VPS13B: variants seen among roughly 807,000 people sequenced by gnomAD.
VPS13B encodes vacuolar protein sorting 13 homolog B.
VPS13B carries 285 observed loss-of-function variants against 426.4 expected under a neutral mutation model. The observed-to-expected ratio is 0.67, with a 90% CI of 0.61 to 0.74. The LOEUF (loss-of-function observed/expected upper bound fraction) is 0.74, where lower values mean the gene tolerates loss of function less well. Ranked by LOEUF, VPS13B falls within the 30% of genes least tolerant of loss-of-function variation. The pLI, the probability that VPS13B is intolerant of heterozygous loss-of-function variation, is 0.00. For synonymous variants in VPS13B, 1,676 were observed against 1,676.4 expected, an observed-to-expected ratio of 1.00 and a Z score of 0.01; for missense variants, 4,537 against 4,782.6, an observed-to-expected ratio of 0.95 and a Z score of 1.51.
intron 19 of VPS13B, among the ~76,000 whole-genome samples, chr8:99,364,792 C>G (rs985293596): frequency 6.6e-6 from 1 of 151,934 alleles, no homozygotes; most frequent in Non-Finnish European, 1.5e-5. Flanking sequence ...ATACTTGCCT[C>G]GTAGAATGAG....
chr8:99,558,876 G>A (rs1824736537), intron 31 of VPS13B, among the ~76,000 whole-genome samples: 1 of 152,200 alleles, frequency 6.6e-6, no homozygotes, highest in Admixed American at 6.5e-5. Context: ...ACATACGTGT[G>A]CATGTGTCTT....
intron 58 of VPS13B, among the ~76,000 whole-genome samples, chr8:99,863,988 C>G (rs1249805342): frequency 2.0e-5 from 3 of 152,212 alleles, no homozygotes; most frequent in Non-Finnish European, 4.4e-5. Context: ...GTGGGCATCT[C>G]AAGCTTGGCT....
chr8:99,448,697 T>G (rs1818045862), intron 23 of VPS13B, among the ~76,000 whole-genome samples: 1 of 152,198 alleles, frequency 6.6e-6, no homozygotes, highest in Non-Finnish European at 1.5e-5. Context: ...GACTGCTCTT[T>G]TATAGCTTCC....
rs1811257479 is a variant in VPS13B, at chr8:99,766,955, G to C, written c.7232G>C (p.Gly2411Ala). The C allele has an allele frequency of 1.2e-6, 2 of 1,613,714 alleles. No homozygotes were observed. Among genetic ancestry groups the C allele is most frequent in the South Asian group, 1.1e-5 (1 of 91,064 alleles). The part of the protein sequence containing the change: ...WRIVLNSSQN[G>A]ADDQSSASES... ...ATTGTCTTGAACAGCAGTCAAAATG[G>C]AGCTGATGACCAAAGGTAATTCATT... is the stretch of plus-strand genomic sequence containing the variant. Residue 2411 changes from glycine (G) to alanine (A), a missense_variant, in exon 40 of 62, where the codon GGA (glycine) becomes GCA (alanine). Physicochemically the swap from Gly to Ala is moderately conservative, Grantham distance 60 (BLOSUM62 0). Around this residue, in one of 2 missense-constraint regions of VPS13B, gnomAD observed 4,311 missense variants for 4,474.3 expected, o/e 0.96. Coordinates refer to ENST00000357162, the MANE Select transcript of VPS13B (RefSeq NM_152564.5).
chr8:99,781,850 G>C (rs1188970718), intron 42 of VPS13B, among the ~76,000 whole-genome samples: 1 of 152,018 alleles, frequency 6.6e-6, no homozygotes, highest in Non-Finnish European at 1.5e-5. Context: ...GTGGGAGATT[G>C]GAATCATATC....
Position 99,115,715 on chromosome 8 carries a change from G to A in VPS13B, c.778G>A (p.Glu260Lys), listed in dbSNP as rs1256664122. 4 of 1,612,612 alleles carry A rather than the reference G, an allele frequency of 2.5e-6. No individual in the cohort carries two copies. The East Asian group carries it at 8.9e-5, about 36-fold the overall frequency. The change falls in exon 7 of 62, where the codon GAA becomes AAA. Residue 260 changes from glutamate (E) to lysine (K), a missense_variant. Physicochemically the swap from Glu to Lys is moderately conservative, Grantham distance 56. Coordinates refer to ENST00000357162, the MANE Select transcript of VPS13B (RefSeq NM_152564.5). Reference protein sequence around the residue: ...PSVIKIHTLVESLKLSITDQQ... With the variant: ...PSVIKIHTLVKSLKLSITDQQ... ...CAAAATGCAGATTCATACTTTAGTG[G>A]AAAGTTTGAAACTTTCTATCACAGA...
chr8:99,030,450 ATGAG>A (rs1480061760), intron 2 of VPS13B, among the ~76,000 whole-genome samples: 3 of 115,158 alleles, frequency 2.6e-5, no homozygotes, highest in South Asian at 3.5e-4. Context: ...TTGTCCCAGT[ATGAG>A]TGAGTGAGTG....
intron 15 of VPS13B, among the ~76,000 whole-genome samples, chr8:99,158,012 T>G (rs187751238): frequency 3.5e-4 from 53 of 152,178 alleles, no homozygotes; most frequent in African/African-American, 1.3e-3. Flanking sequence ...CTGGCAGAGG[T>G]TGGTTCATGA....
intron 35 of VPS13B, among the ~76,000 whole-genome samples, chr8:99,681,065 A>G (rs1176058229): frequency 6.6e-6 from 1 of 152,216 alleles, no homozygotes; most frequent in East Asian, 1.9e-4. Context: ...TCTTCCTGTC[A>G]TTATCAGACT....
chr8:99,372,555 A>G (rs996410419), intron 19 of VPS13B, among the ~76,000 whole-genome samples: 1 of 152,226 alleles, frequency 6.6e-6, no homozygotes, highest in Admixed American at 6.5e-5. Flanking sequence ...CAACAAACAT[A>G]TGAAAAAAAG....
Position 99,853,928 on chromosome 8 carries a change from A to G in VPS13B, c.10539A>G (p.Val3513=), listed in dbSNP as rs753290639. 3.1e-6 allele frequency: 5 copies of G among 1,614,140 alleles called. No homozygotes were observed. In the African/African-American group the frequency reaches 5.3e-5, roughly 17 times the overall value. The change falls in exon 56 of 62, where the codon GTA becomes GTG. Residue 3513 remains valine (V), a synonymous_variant. Transcript: ENST00000357162. The stretch of plus-strand genomic sequence containing the variant: ...GGTTATACGTGGAAGACACATTTGT[A>G]TACTACATCAAGACTTTGTTTGACA... ...PARLYVEDTF[V]YYIKTLFDTY...
At position 99,053,074 on chromosome 8, in the gene VPS13B, G is replaced by A. The variant is rs1587969113; in HGVS notation, c.291+14508G>A. ...CTTAGTTATTTCTTGCCTTCTGCTAGCTTTTGAATGTGTTTGCTCTTGCTT... is the reference window on the plus strand; with the variant it reads ...CTTAGTTATTTCTTGCCTTCTGCTAACTTTTGAATGTGTTTGCTCTTGCTT... On this transcript the variant is annotated intron_variant, in intron 3 of 61. Transcript: ENST00000357162. Among the ~76,000 whole-genome samples, 7 of 151,572 alleles carry A rather than the reference G, an allele frequency of 4.6e-5. 2 individuals are homozygous for A. Among genetic ancestry groups the A allele is most frequent in the Admixed American group, 4.6e-4 (7 of 15,240 alleles).
rs1818067406 is a variant in VPS13B, at chr8:99,449,150, A to G, written c.3445+6515A>G. Among the ~76,000 whole-genome samples the G allele has an allele frequency of 3.3e-5, 5 of 152,340 alleles. No homozygotes were observed. In the South Asian group the frequency reaches 1.0e-3, roughly 32 times the overall value. ...GTGGTAATAGATACTGGGACAGAAT[A>G]GAGAGAAATATTTAAAAGGTTGACA... On this transcript the variant is annotated intron_variant, in intron 23 of 61. Transcript: ENST00000357162.
chr8:99,638,054 A>T (rs1409744286), intron 33 of VPS13B, among the ~76,000 whole-genome samples: 1 of 152,130 alleles, frequency 6.6e-6, no homozygotes, highest in Non-Finnish European at 1.5e-5. Context: ...AGTTGGTAAT[A>T]TATTTGGAGG....
chr8:99,266,121 G>A (rs1216715695), intron 17 of VPS13B, among the ~76,000 whole-genome samples: 2 of 152,060 alleles, frequency 1.3e-5, no homozygotes, highest in Non-Finnish European at 2.9e-5. Context: ...GTGATCATAA[G>A]CTGACTACTG....
chr8:99,152,134 A>G (rs1202632874), intron 14 of VPS13B, among the ~76,000 whole-genome samples: 1 of 152,142 alleles, frequency 6.6e-6, no homozygotes, highest in South Asian at 2.1e-4. Flanking sequence ...TTTTTGTAAT[A>G]TATGAACTCA....
chr8:99,357,739 T>C lies in VPS13B; in HGVS notation c.2825-26469T>C, dbSNP rs570823284. Among the ~76,000 whole-genome samples, 87 of 152,374 alleles carry C rather than the reference T, an allele frequency of 5.7e-4. 1 individual carries two copies. The highest frequency in any genetic ancestry group is 9.1e-4 in the Non-Finnish European group (62 of 68,036). ...ATTCAGCCTCTCTGTGTCTCCGTTT[T>C]CTCATCTGTAATAAGAAGATCTTTT... is the stretch of plus-strand genomic sequence containing the variant. On this transcript the variant is annotated intron_variant, in intron 19 of 61. Transcript: ENST00000357162.
At chr8:99,335,321 T>A (rs1423621114) in intron 19 of VPS13B, among the ~76,000 whole-genome samples, 1 of 152,184 alleles carries the variant, frequency 6.6e-6, no homozygotes, top group African/African-American at 2.4e-5. Flanking sequence ...CCTGGATTCA[T>A]TAATTTTTGA....
At chr8:99,410,474 T>G (rs1231611040) in intron 21 of VPS13B, among the ~76,000 whole-genome samples, 1 of 152,136 alleles carries the variant, frequency 6.6e-6, no homozygotes, top group Non-Finnish European at 1.5e-5. Flanking sequence ...TGTTACCTCC[T>G]TTGTGGAATC....
Sources: gnomAD v4.1 joint callset for allele counts (sites outside exome capture counted in the v4.1 genomes callset) on GRCh38, gnomAD v4.1.1 for gene constraint, gnomAD v4.1.1 regional missense constraint, MANE v1.5 for transcripts, NCBI Gene and HGNC (gene_info 2026-07-23, HGNC 2026-07-21) for gene names.